The following SAMD4A variants were observed in gnomAD, a reference collection of about 807,000 sequenced individuals.
The protein encoded by SAMD4A is sterile alpha motif domain containing 4A.
SAMD4A carries 33 observed loss-of-function variants against 81.3 expected under a neutral mutation model. The observed-to-expected ratio is 0.41, with a 90% CI of 0.31 to 0.54. SAMD4A has a LOEUF of 0.54. Among genes scored for constraint, SAMD4A ranks in the 20% least tolerant of loss-of-function variants. SAMD4A has a pLI of 0.37. For synonymous variants in SAMD4A, 389 were observed against 382.1 expected (o/e 1.02, Z -0.21); for missense variants, 854 against 951.1 (o/e 0.90, Z 1.34).
intron 8 of SAMD4A, among the ~76,000 whole-genome samples, chr14:54,765,715 A>G (rs1252451492): frequency 6.6e-6 from 1 of 152,086 alleles, no homozygotes; most frequent in African/African-American, 2.4e-5. Flanking sequence ...GGGTCCGGTG[A>G]AGGGAGACGC....
At chr14:54,748,568 A>T (rs928986952) in intron 4 of SAMD4A, among the ~76,000 whole-genome samples, 3 of 152,182 alleles carry the variant, frequency 2.0e-5, no homozygotes, top group African/African-American at 7.2e-5. Context: ...CCTGAAGCTC[A>T]TGGACCCCAA....
chr14:54,774,073 G>A (rs1345360675), intron 9 of SAMD4A, among the ~76,000 whole-genome samples: 1 of 152,260 alleles, frequency 6.6e-6, no homozygotes, highest in Non-Finnish European at 1.5e-5. Context: ...AAGCATGTGA[G>A]TGTTCAAGAC....
At chr14:54,693,903 C>T (rs947015428) in intron 2 of SAMD4A, 4 of 152,210 alleles carry the variant, frequency 2.6e-5, no homozygotes, top group Admixed American at 6.6e-5. Context: ...ATAGTGTAGA[C>T]AGATAAGATC....
At chr14:54,682,898 G>A (rs532987670) in intron 2 of SAMD4A, among the ~76,000 whole-genome samples, 1 of 152,306 alleles carries the variant, frequency 6.6e-6, no homozygotes, top group Admixed American at 6.5e-5. Flanking sequence ...ATGGGTTTTG[G>A]TATTGCTGGT....
chr14:54,648,907 G>C (rs2035344281), intron 2 of SAMD4A, among the ~76,000 whole-genome samples: 1 of 152,206 alleles, frequency 6.6e-6, no homozygotes, highest in African/African-American at 2.4e-5. Flanking sequence ...GGGAGAGGCG[G>C]TGGCTCAGAC....
chr14:54,662,559 G>T (rs2140474083), intron 2 of SAMD4A, among the ~76,000 whole-genome samples: 1 of 151,948 alleles, frequency 6.6e-6, no homozygotes, highest in Non-Finnish European at 1.5e-5. Flanking sequence ...ACAGGTGCAT[G>T]CCCCCACACC....
intron 2 of SAMD4A, among the ~76,000 whole-genome samples, chr14:54,587,585 T>G (rs368847059): frequency 2.6e-5 from 4 of 152,124 alleles, no homozygotes; most frequent in South Asian, 2.1e-4. Flanking sequence ...TGCTGAGGGT[T>G]TTAATCATAA....
intron 5 of SAMD4A, among the ~76,000 whole-genome samples, chr14:54,750,302 C>T (rs1052574166): frequency 1.3e-5 from 2 of 152,118 alleles, no homozygotes; most frequent in Non-Finnish European, 2.9e-5. Flanking sequence ...ACTGGGTTCA[C>T]GTGTCATTTG....
At chr14:54,651,986 G>C (rs756075996) in intron 2 of SAMD4A, among the ~76,000 whole-genome samples, 9 of 152,200 alleles carry the variant, frequency 5.9e-5, no homozygotes, top group Admixed American at 5.9e-4. Context: ...TCCAAGGGAG[G>C]GTTTAGAAGA....
At chr14:54,741,409 GATGA>G (rs1218061004) in intron 4 of SAMD4A, among the ~76,000 whole-genome samples, 1 of 152,236 alleles carries the variant, frequency 6.6e-6, no homozygotes, top group Non-Finnish European at 1.5e-5. Flanking sequence ...CCACAGCTAT[GATGA>G]ATGATGTGGC....
intron 2 of SAMD4A, chr14:54,694,893 A>G (rs573531035): frequency 4.1e-6 from 4 of 985,564 alleles, no homozygotes; most frequent in Admixed American, 6.1e-5. Flanking sequence ...GAAAGTCTCC[A>G]TGGAAGAAAT....
At chr14:54,778,129 TCAATTCTGTATA>T (rs1302863600) in intron 11 of SAMD4A, among the ~76,000 whole-genome samples, 1 of 152,234 alleles carries the variant, frequency 6.6e-6, no homozygotes, top group East Asian at 1.9e-4. Flanking sequence ...ACCACTGTCT[TCAATTCTGTATA>T]CCTTCTCAAG....
chr14:54,610,211 C>T (rs2034317442), intron 2 of SAMD4A, among the ~76,000 whole-genome samples: 1 of 152,096 alleles, frequency 6.6e-6, no homozygotes, highest in South Asian at 2.1e-4. Context: ...TCCAAACAAG[C>T]GAGGGCTCAT....
chr14:54,636,023 C>A (rs147413049), intron 2 of SAMD4A, among the ~76,000 whole-genome samples: 2 of 152,124 alleles, frequency 1.3e-5, no homozygotes, highest in South Asian at 4.1e-4. Context: ...AGAAGCAATA[C>A]GTAGCGTAAG....
chr14:54,716,307 G>A (rs1249325203), intron 3 of SAMD4A, among the ~76,000 whole-genome samples: 3 of 152,120 alleles, frequency 2.0e-5, no homozygotes, highest in Non-Finnish European at 2.9e-5. Flanking sequence ...GAGAGGCCTC[G>A]ATCGATAGGT....
At chr14:54,725,050 A>C (rs989292513) in intron 3 of SAMD4A, among the ~76,000 whole-genome samples, 3 of 152,212 alleles carry the variant, frequency 2.0e-5, no homozygotes, top group Admixed American at 1.3e-4. Context: ...AGGGCATGTC[A>C]CATGGTGGGC....
At chr14:54,680,022 C>T (rs1466429585) in intron 2 of SAMD4A, among the ~76,000 whole-genome samples, 1 of 152,210 alleles carries the variant, frequency 6.6e-6, no homozygotes, top group Non-Finnish European at 1.5e-5. Context: ...CATGTGTGCT[C>T]ACAGTCCTAC....
intron 3 of SAMD4A, among the ~76,000 whole-genome samples, chr14:54,714,159 G>A (rs1255552083): frequency 6.6e-6 from 1 of 152,102 alleles, no homozygotes; most frequent in African/African-American, 2.4e-5. Flanking sequence ...TACCTGACAG[G>A]TTGCTCTATG....
At chr14:54,674,221 G>C (rs2035943199) in intron 2 of SAMD4A, among the ~76,000 whole-genome samples, 1 of 152,246 alleles carries the variant, frequency 6.6e-6, no homozygotes, top group African/African-American at 2.4e-5. Context: ...CATTTAAGCA[G>C]TAAATATATT....
Sources: allele counts gnomAD v4.1 joint callset (sites outside exome capture counted in the v4.1 genomes callset), GRCh38; gene constraint gnomAD v4.1.1; transcripts MANE v1.5; gene names NCBI Gene and HGNC (gene_info 2026-07-23, HGNC 2026-07-21).